Variants in PRC1 observed in about 807,000 individuals in gnomAD.
PRC1 encodes protein regulator of cytokinesis 1.
PRC1 carries 54 observed loss-of-function variants against 91.2 expected under a neutral mutation model. The ratio of observed to expected loss-of-function variants is 0.59; its 90% CI spans 0.48 to 0.74. The LOEUF (loss-of-function observed/expected upper bound fraction) is 0.74. Among genes scored for constraint, PRC1 ranks in the 30% least tolerant of loss-of-function variants. The pLI is 0.00. For missense variants in PRC1, 727 were observed against 746.2 expected (o/e 0.97, Z 0.30); for synonymous variants, 275 against 263.6 (o/e 1.04, Z -0.42).
At chr15:90,967,876 A>T (rs2037664062) in intron 14 of PRC1, 1 of 985,380 alleles carries the variant, frequency 1.0e-6, no homozygotes, top group East Asian at 1.1e-4. Flanking sequence ...CAAGGTAAGT[A>T]GGCAACAAGC....
In PRC1 at chr15:90,981,846, G is replaced by A; in HGVS notation, c.403C>T (p.Leu135Phe). 1 of 1,614,208 alleles carries A rather than the reference G, an allele frequency of 6.2e-7. No individual in the cohort carries two copies. The highest frequency in any genetic ancestry group is 8.5e-7 in the Non-Finnish European group (1 of 1,180,044). ...TCAATATCATAGTGGGGCATACAAA[G>A]AATTTCGCACAGTTCTTGATCTTGC... ...QEQDQELCEILCMPHYDIDSA... is the reference protein window; with the variant it reads ...QEQDQELCEIFCMPHYDIDSA... Residue 135 changes from leucine (L) to phenylalanine (F), a missense_variant, in exon 4 of 15, where the codon CTT becomes TTT. Leu to Phe is a conservative substitution (Grantham distance 22, BLOSUM62 0). Coordinates refer to ENST00000394249, the MANE Select transcript of PRC1 (RefSeq NM_003981.4).
chr15:90,973,593 C>G (rs28871875), intron 11 of PRC1, among the ~76,000 whole-genome samples: 323 of 152,212 alleles, frequency 2.1e-3, no homozygotes, highest in Non-Finnish European at 3.7e-3. Context: ...CGGAATATCT[C>G]GGTGTAAAAC....
At position 90,984,693 on chromosome 15, in the gene PRC1, C is replaced by T. The variant is rs752770894; in HGVS notation, c.144G>A (p.Lys48=). The T allele has an allele frequency of 1.2e-6, 2 of 1,614,168 alleles. No homozygotes were observed. Among genetic ancestry groups the T allele is most frequent in the Admixed American group, 3.3e-5 (2 of 60,024 alleles). The stretch of plus-strand genomic sequence containing the variant: ...CAGAGACCAGTACTATTCAACCCAC[C>T]TTGATATGCTTCTTTACCACCTCAG... ...QRTEVVKKHI[K]ELLDMMIAEE... The change falls in exon 2 of 15, where the codon AAG becomes AAA. Residue 48 remains lysine (K), a splice_region_variant and synonymous_variant. Coordinates refer to ENST00000394249, the MANE Select transcript of PRC1 (RefSeq NM_003981.4). This position sits in a 1 kb window ranked among gnomAD's most constrained non-coding sequence, Gnocchi z 5.1.
intron 1 of PRC1, among the ~76,000 whole-genome samples, chr15:90,987,390 T>C (rs978046006): frequency 6.6e-6 from 1 of 152,230 alleles, no homozygotes; most frequent in Admixed American, 6.5e-5. Context: ...GGTTGCTGCT[T>C]ACACAGGTGC....
Position 90,966,806 on chromosome 15 carries a change from A to G in PRC1, c.*325T>C, listed in dbSNP as rs2037533289. On this transcript the variant is annotated 3_prime_UTR_variant, in exon 15 of 15. Coordinates refer to ENST00000394249, the MANE Select transcript of PRC1 (RefSeq NM_003981.4). ...GATGGGCATAGTCAATCATTTTCCT[A>G]CAGTGGTGAAATAAAACAAGCTTTG... The G allele has an allele frequency of 4.5e-6, 2 of 445,810 alleles. No individual in the cohort carries two copies. The highest frequency in any genetic ancestry group is 8.5e-6 in the Non-Finnish European group (2 of 236,686). The allele number at this position is 445,810 out of a possible 1,614,324, so 27.6% of individuals were successfully genotyped here.
At chr15:90,967,811 A>G (rs998325678) in intron 14 of PRC1, 9 of 978,546 alleles carry the variant, frequency 9.2e-6, no homozygotes, top group Admixed American at 6.2e-5. Flanking sequence ...CTCAGAACAT[A>G]TCCCTGTCAT....
chr15:90,981,475 G>C, intron 5 of PRC1, 24 bp downstream of exon 5: 14 of 1,612,760 alleles, frequency 8.7e-6, no homozygotes, highest in Non-Finnish European at 1.1e-5. Context: ...GGAGATCCTA[G>C]GGCATAATTT....
At chr15:90,967,438 A>G (rs1397916353) in intron 14 of PRC1, 6 of 547,778 alleles carry the variant, frequency 1.1e-5, no homozygotes, top group Admixed American at 3.2e-5. Flanking sequence ...CAGCCAGTCC[A>G]TTCTGTTACA....
At chr15:90,967,285 A>G in intron 14 of PRC1, 83 bp from the exon 15 acceptor site, 1 of 1,175,698 alleles carries the variant, frequency 8.5e-7, no homozygotes, top group South Asian at 1.2e-5. Flanking sequence ...AAGTGTCAGC[A>G]AAAGGTCCCT....
chr15:90,992,708 GT>G (rs34611742), intron 1 of PRC1, among the ~76,000 whole-genome samples: 55,794 of 150,022 alleles, frequency 0.37, 14,800 homozygotes, highest in African/African-American at 0.74. Flanking sequence ...GCAAGTCTGA[GT>G]TTTTTTTTTA....
chr15:90,968,648 G>A (rs1279005173), intron 14 of PRC1: 1 of 1,005,292 alleles, frequency 9.9e-7, no homozygotes, highest in Non-Finnish European at 1.2e-6. Flanking sequence ...GAATAGAGCT[G>A]GCGGTTAAGC....
intron 5 of PRC1, 64 bp from the exon 6 acceptor site, chr15:90,981,097 C>G (rs2039159603): frequency 1.9e-6 from 3 of 1,592,212 alleles, no homozygotes; most frequent in Non-Finnish European, 2.6e-6. Flanking sequence ...GCCCTCTAGC[C>G]TCCCGCAAAG....
intron 14 of PRC1, chr15:90,967,916 T>C: frequency 2.0e-6 from 2 of 985,460 alleles, no homozygotes; most frequent in Non-Finnish European, 1.2e-6. Context: ...TATAAAACAA[T>C]GGGCCAGAAC....
intron 3 of PRC1, 171 bp from the exon 4 acceptor site, chr15:90,982,152 T>G (rs2039246665): frequency 1.6e-6 from 1 of 626,808 alleles, no homozygotes; most frequent in East Asian, 2.7e-5. Flanking sequence ...AAGGTCCCAG[T>G]GAGGAAAAGT....
At chr15:90,976,646 A>T (rs1411397691) in intron 9 of PRC1, 30 bp downstream of exon 9, 1 of 1,513,594 alleles carries the variant, frequency 6.6e-7, no homozygotes, top group South Asian at 1.2e-5. Context: ...TTTGTAACCA[A>T]GCATCAAAAA....
intron 3 of PRC1, among the ~76,000 whole-genome samples, chr15:90,983,426 G>T (rs918376054): frequency 6.6e-6 from 1 of 152,156 alleles, no homozygotes; most frequent in African/African-American, 2.4e-5. Context: ...CATCCTTGCT[G>T]TGTCCTCACT....
intron 1 of PRC1, among the ~76,000 whole-genome samples, chr15:90,990,491 G>A (rs2039913227): frequency 6.6e-6 from 1 of 150,932 alleles, no homozygotes; most frequent in Non-Finnish European, 1.5e-5. Context: ...CTCCCAAAGT[G>A]CTGGAATTAT....
intron 1 of PRC1, among the ~76,000 whole-genome samples, chr15:90,992,187 C>A (rs979342989): frequency 1.3e-5 from 2 of 152,100 alleles, no homozygotes; most frequent in Admixed American, 6.6e-5. Flanking sequence ...TCTTTAAAAC[C>A]ACAACCCCCC....
rs751909098 is a variant in PRC1, at chr15:90,976,777, A to G, written c.1108-6T>C. ...TTTGGATCTGAAGCTTTTCTCTGTG[A>G]AAAATACATTTTTAATTAGTGGAAA... On this transcript the variant is annotated splice_polypyrimidine_tract_variant and splice_region_variant and intron_variant, in intron 8 of 14. Coordinates refer to ENST00000394249, the MANE Select transcript of PRC1 (RefSeq NM_003981.4). The G allele has an allele frequency of 6.2e-7, 1 of 1,604,014 alleles. No individual in the cohort carries two copies. Among genetic ancestry groups the G allele is most frequent in the South Asian group, 1.1e-5 (1 of 90,442 alleles).
Sources: allele counts gnomAD v4.1 joint callset (sites outside exome capture counted in the v4.1 genomes callset), GRCh38; gene constraint gnomAD v4.1.1; non-coding constraint Gnocchi (gnomAD v3.1); transcripts MANE v1.5; gene names NCBI Gene and HGNC (gene_info 2026-07-23, HGNC 2026-07-21).